GLI3: variants seen among roughly 807,000 people sequenced by gnomAD.
GLI3 encodes the protein transcription activator GLI3.
A neutral mutation model predicts 100.8 loss-of-function variants in GLI3; 20 were observed. That is an observed-to-expected ratio of 0.20 (90% CI 0.14 to 0.29). The LOEUF (loss-of-function observed/expected upper bound fraction) is 0.29, where lower values mean the gene tolerates loss of function less well. Among genes scored for constraint, GLI3 ranks in the 10% least tolerant of loss-of-function variants. GLI3 has a pLI of 1.00. For missense variants in GLI3, 2,040 were observed against 2,128.5 expected, an observed-to-expected ratio of 0.96 and a Z score of 0.82; for synonymous variants, 938 against 860.5, an observed-to-expected ratio of 1.09 and a Z score of -1.58.
chr7:42,212,231 T>C (rs1335239438), intron 2 of GLI3, among the ~76,000 whole-genome samples: 1 of 152,204 alleles, frequency 6.6e-6, no homozygotes, highest in Non-Finnish European at 1.5e-5. Flanking sequence ...ACTCATCCTC[T>C]TGAATGACAA....
At chr7:42,233,691 A>G (rs925629038) in intron 1 of GLI3, among the ~76,000 whole-genome samples, 2 of 152,196 alleles carry the variant, frequency 1.3e-5, no homozygotes. Context: ...TACTTGAAAA[A>G]GTTTGCAGCA....
rs146208181 is a variant in GLI3, at chr7:42,233,748, T to C, written c.-43+3223A>G. On this transcript the variant is annotated intron_variant, in intron 1 of 14. Coordinates refer to ENST00000395925, the MANE Select transcript of GLI3 (RefSeq NM_000168.6). ...TTTATTCTGTCTCCCTTTATTTGCT[T>C]TGAAACCAGAAACAGATCAATTTTC... Among the ~76,000 whole-genome samples, 760 of 152,336 alleles carry C rather than the reference T, an allele frequency of 5.0e-3. 5 individuals carry two copies. The highest frequency in any genetic ancestry group is 0.017 in the African/African-American group (727 of 41,582).
chr7:42,161,862 G>C (rs774061546), intron 2 of GLI3, among the ~76,000 whole-genome samples: 9 of 152,224 alleles, frequency 5.9e-5, no homozygotes, highest in Non-Finnish European at 1.3e-4. Context: ...CTGAGGGAGT[G>C]TTTCCACCTC....
chr7:42,060,926 G>GA (rs1441788235), intron 4 of GLI3, among the ~76,000 whole-genome samples: 1 of 152,150 alleles, frequency 6.6e-6, no homozygotes, highest in Non-Finnish European at 1.5e-5. Flanking sequence ...AAGTGTAAGG[G>GA]AAAATGACTC....
chr7:42,086,395 A>T (rs938310594), intron 3 of GLI3, among the ~76,000 whole-genome samples: 1 of 152,084 alleles, frequency 6.6e-6, no homozygotes, highest in Non-Finnish European at 1.5e-5. Flanking sequence ...GCTTTTTATC[A>T]TAGCTTATCT....
At chr7:42,096,727 T>C (rs1374322715) in intron 3 of GLI3, among the ~76,000 whole-genome samples, 4 of 152,188 alleles carry the variant, frequency 2.6e-5, no homozygotes, top group Middle Eastern at 3.4e-3. Flanking sequence ...GGTCAGAGCA[T>C]GGAGAGTAAG....
At chr7:42,200,477 C>T (rs1392862416) in intron 2 of GLI3, among the ~76,000 whole-genome samples, 1 of 152,296 alleles carries the variant, frequency 6.6e-6, no homozygotes, top group East Asian at 1.9e-4. Context: ...AGCCAGAGAA[C>T]GCTCCACTAC....
chr7:42,106,166 C>T (rs1215585984), intron 3 of GLI3, among the ~76,000 whole-genome samples: 1 of 152,204 alleles, frequency 6.6e-6, no homozygotes, highest in African/African-American at 2.4e-5. Flanking sequence ...GGCAGCCTGG[C>T]CTCACCGTCC....
intron 3 of GLI3, among the ~76,000 whole-genome samples, chr7:42,133,654 A>C (rs972272425): frequency 1.3e-5 from 2 of 151,770 alleles, no homozygotes; most frequent in South Asian, 2.1e-4. Flanking sequence ...AAAAAAAAAA[A>C]AAAACTGTGC....
intron 7 of GLI3, 102 bp from the exon 8 acceptor site, chr7:42,026,514 T>C (rs1789118520): frequency 1.1e-6 from 1 of 915,020 alleles, no homozygotes; most frequent in Admixed American, 2.0e-5. Flanking sequence ...CCATCCCAAA[T>C]CAAATTTGTT....
chr7:42,163,570 A>G (rs1323795233), intron 2 of GLI3, among the ~76,000 whole-genome samples: 2 of 151,758 alleles, frequency 1.3e-5, no homozygotes, highest in East Asian at 3.9e-4. Context: ...CTGGAATTAC[A>G]GGCGCCCGCC....
At chr7:41,968,775 A>AAAGAAAGAAAGAAG (rs1562662137) in intron 13 of GLI3, among the ~76,000 whole-genome samples, 1 of 139,948 alleles carries the variant, frequency 7.1e-6, no homozygotes, top group African/African-American at 2.6e-5. Flanking sequence ...AAAGAAAGAA[A>AAAGAAAGAAAGAAG]GAAAGAAAGA....
rs145618226 is a variant in GLI3 at position 41,965,184 on chromosome 7, G to A, written c.3889C>T (p.Leu1297=). The change falls in exon 15 of 15, where the codon CTG becomes TTG. Residue 1297 remains leucine, a synonymous_variant. Coordinates refer to ENST00000395925, the MANE Select transcript of GLI3 (RefSeq NM_000168.6). ...QGSGGQLNFG[L]PVAPNESAGS... is the part of the protein sequence containing the mutation. ...GCTGACTCATTTGGCGCTACCGGCA[G>A]GCCGAAATTCAGCTGGCCCCCGCTC... 5.5e-5 allele frequency: 89 copies of A among 1,613,778 alleles called. No individual in the cohort carries two copies. In the African/African-American group the frequency reaches 9.6e-4, roughly 17 times the overall value.
rs558865228 is a variant in GLI3 at position 42,065,319 on chromosome 7, C to T, written c.473+11433G>A. Among the ~76,000 whole-genome samples the T allele has an allele frequency of 1.5e-4, 22 of 151,666 alleles. No homozygotes were observed. The South Asian group carries it at 4.6e-3, about 32-fold the overall frequency. ...CCCTGGTTAGCTACAATGCACCCCA[C>T]CTGCTTGTTAAGAGTAGAAATTCTC... On this transcript the variant is annotated intron_variant, in intron 4 of 14. Coordinates refer to ENST00000395925, the MANE Select transcript of GLI3 (RefSeq NM_000168.6).
chr7:42,190,640 T>G (rs1787809395), intron 2 of GLI3, among the ~76,000 whole-genome samples: 1 of 152,160 alleles, frequency 6.6e-6, no homozygotes, highest in Non-Finnish European at 1.5e-5. Context: ...TGTGAAAACT[T>G]TTCTAGATTA....
At chr7:41,993,049 T>C (rs1208813948) in intron 10 of GLI3, among the ~76,000 whole-genome samples, 2 of 152,208 alleles carry the variant, frequency 1.3e-5, no homozygotes, top group African/African-American at 4.8e-5. Context: ...CAGCCTTTTA[T>C]CAAGGAGGCC....
At chr7:42,248,427 C>T (rs1788996207) in intron 1 of GLI3, among the ~76,000 whole-genome samples, 3 of 152,184 alleles carry the variant, frequency 2.0e-5, no homozygotes, top group Admixed American at 2.0e-4. Flanking sequence ...TGTTCTAAAT[C>T]ACAGAGGCCT....
intron 5 of GLI3, among the ~76,000 whole-genome samples, chr7:42,047,791 C>T (rs846268): frequency 0.56 from 85,320 of 152,032 alleles, 26,216 homozygotes; most frequent in African/African-American, 0.83. Context: ...CATACTTCTT[C>T]GGATTTTCAT....
chr7:42,131,843 G>T (rs1288819056), intron 3 of GLI3, among the ~76,000 whole-genome samples: 2 of 152,008 alleles, frequency 1.3e-5, no homozygotes, highest in Non-Finnish European at 2.9e-5. Context: ...AAAGAAGAGG[G>T]CAGAGTATTA....
Sources: gnomAD v4.1 joint callset for allele counts (sites outside exome capture counted in the v4.1 genomes callset) on GRCh38, gnomAD v4.1.1 for gene constraint, MANE v1.5 for transcripts, NCBI Gene and HGNC (gene_info 2026-07-23, HGNC 2026-07-21) for gene names.